TAFA4: variants seen among roughly 807,000 people sequenced by gnomAD.
TAFA4 encodes the protein chemokine-like protein TAFA-4.
A neutral mutation model predicts 21.1 loss-of-function variants in TAFA4; 20 were observed. That is an observed-to-expected ratio of 0.95 (90% confidence interval 0.67 to 1.38). The LOEUF (loss-of-function observed/expected upper bound fraction) is 1.38, where lower values mean the gene tolerates loss of function less well. TAFA4 is among the 40% of genes most tolerant of loss of function. The pLI is 0.00. For missense variants in TAFA4, 211 were observed against 180.9 expected (o/e 1.17, Z -0.95); for synonymous variants, 71 against 67.4 (o/e 1.05, Z -0.26).
At chr3:68,825,872 G>T (rs1453118537) in intron 3 of TAFA4, among the ~76,000 whole-genome samples, 1 of 152,116 alleles carries the variant, frequency 6.6e-6, no homozygotes, top group African/African-American at 2.4e-5. Context: ...ATGTGAAGAG[G>T]GAATAAGTAA....
chr3:68,878,589 GA>G (rs2089580565), intron 3 of TAFA4, among the ~76,000 whole-genome samples: 4 of 152,138 alleles, frequency 2.6e-5, no homozygotes, highest in African/African-American at 9.7e-5. Flanking sequence ...GCTAGTTGAA[GA>G]AATAACAAGA....
At chr3:68,822,042 CT>C (rs1297819251) in intron 3 of TAFA4, among the ~76,000 whole-genome samples, 1 of 152,122 alleles carries the variant, frequency 6.6e-6, no homozygotes. Flanking sequence ...TATGCTTGCT[CT>C]TTTTATATGG....
At chr3:68,869,943 A>C (rs1351748550) in intron 3 of TAFA4, among the ~76,000 whole-genome samples, 1 of 152,098 alleles carries the variant, frequency 6.6e-6, no homozygotes, top group East Asian at 1.9e-4. Context: ...ATGACATGAC[A>C]TTACATTTAG....
intron 3 of TAFA4, among the ~76,000 whole-genome samples, chr3:68,857,753 A>C (rs763956620): frequency 2.0e-5 from 3 of 151,886 alleles, no homozygotes; most frequent in Non-Finnish European, 4.4e-5. Context: ...TGAATGTAAG[A>C]TTTCACTGGA....
At chr3:68,890,896 T>C (rs569806310) in intron 1 of TAFA4, among the ~76,000 whole-genome samples, 1 of 152,320 alleles carries the variant, frequency 6.6e-6, no homozygotes, top group African/African-American at 2.4e-5. Context: ...GGATTGTGCC[T>C]ATGATGGTTT....
rs551359839 is a variant in TAFA4 at position 68,872,581 on chromosome 3, G to A, written c.130+8149C>T. ...AATATTCCCAACATAAAGAAAGGGTGAATGTTTGGGGTGATCGATGTTGCA... is the reference window on the plus strand; with the variant it reads ...AATATTCCCAACATAAAGAAAGGGTAAATGTTTGGGGTGATCGATGTTGCA... On this transcript the variant is annotated intron_variant, in intron 3 of 5. Coordinates refer to ENST00000295569, the MANE Select transcript of TAFA4 (RefSeq NM_182522.5). Among the ~76,000 whole-genome samples, 265 of 152,214 alleles carry A rather than the reference G, an allele frequency of 1.7e-3. 1 individual carries two copies. Among genetic ancestry groups the A allele is most frequent in the African/African-American group, 6.0e-3 (251 of 41,552 alleles).
At chr3:68,792,379 G>T (rs1461744033) in intron 3 of TAFA4, among the ~76,000 whole-genome samples, 1 of 152,144 alleles carries the variant, frequency 6.6e-6, no homozygotes, top group Non-Finnish European at 1.5e-5. Flanking sequence ...GGAAGAGAGA[G>T]AGGTGATGTC....
chr3:68,905,194 C>T (rs1025817022), intron 1 of TAFA4, among the ~76,000 whole-genome samples: 7 of 141,594 alleles, frequency 4.9e-5, no homozygotes, highest in Admixed American at 1.5e-4. Context: ...CTTGCTCTGT[C>T]GCCAGGCTAG....
At chr3:68,762,122 A>G (rs1318625988) in intron 3 of TAFA4, among the ~76,000 whole-genome samples, 1 of 151,808 alleles carries the variant, frequency 6.6e-6, no homozygotes, top group Non-Finnish European at 1.5e-5. Flanking sequence ...ATAAAATCCC[A>G]GAGGGAAAAA....
In TAFA4 at chr3:68,752,904, T is replaced by C. The variant is rs779041263; in HGVS notation, c.245A>G (p.Gln82Arg). The change falls in exon 4 of 6, where the codon CAG becomes CGG. Residue 82 changes from glutamine to arginine, a missense_variant. Gln to Arg is a conservative substitution (Grantham distance 43, BLOSUM62 1). Transcript: ENST00000295569. ...QTVKCSCFPG[Q>R]VAGTTRAQPS... ...TTGAGCCCGAGTTGTGCCCGCCACC[T>C]GTCCCGGGAAGCAAGAGCACTTGAC... 6.2e-7 allele frequency: 1 copy of C among 1,614,130 alleles called. No individual in the cohort carries two copies. Among genetic ancestry groups the C allele is most frequent in the East Asian group, 2.2e-5 (1 of 44,870 alleles).
chr3:68,796,134 G>A (rs1703450088), intron 3 of TAFA4, among the ~76,000 whole-genome samples: 1 of 152,156 alleles, frequency 6.6e-6, no homozygotes, highest in Non-Finnish European at 1.5e-5. Context: ...ATCACCACTG[G>A]ACTGCACTGG....
intron 3 of TAFA4, among the ~76,000 whole-genome samples, chr3:68,755,873 T>C (rs1489992): frequency 0.71 from 107,304 of 152,116 alleles, 38,479 homozygotes; most frequent in East Asian, 0.99. Flanking sequence ...GCCATGTACA[T>C]GATTAGGTGA....
At chr3:68,822,924 C>T (rs78241221) in intron 3 of TAFA4, among the ~76,000 whole-genome samples, 1 of 152,308 alleles carries the variant, frequency 6.6e-6, no homozygotes, top group East Asian at 1.9e-4. Context: ...ACATTCCAAA[C>T]TATGAAGCGC....
chr3:68,877,903 T>G (rs2089570678), intron 3 of TAFA4, among the ~76,000 whole-genome samples: 1 of 152,178 alleles, frequency 6.6e-6, no homozygotes, highest in African/African-American at 2.4e-5. Flanking sequence ...CCTTCACCTA[T>G]TTTTCCTTAT....
chr3:68,796,066 C>G (rs1703449172), intron 3 of TAFA4, among the ~76,000 whole-genome samples: 1 of 152,102 alleles, frequency 6.6e-6, no homozygotes, highest in African/African-American at 2.4e-5. Context: ...AACGGAGTCT[C>G]TCTCTGTGCT....
intron 1 of TAFA4, among the ~76,000 whole-genome samples, chr3:68,928,896 G>A (rs549255838): frequency 6.6e-6 from 1 of 151,738 alleles, no homozygotes; most frequent in Admixed American, 6.6e-5. Context: ...TCCTACCCCT[G>A]ATCTTCTAGA....
intron 3 of TAFA4, among the ~76,000 whole-genome samples, chr3:68,820,979 C>G (rs1191685515): frequency 2.0e-5 from 3 of 152,158 alleles, no homozygotes; most frequent in Non-Finnish European, 4.4e-5. Flanking sequence ...TGCTGTACCA[C>G]AAGGTGGTAC....
rs74489507 is a variant in TAFA4, at chr3:68,738,136, A to G, written c.411+939T>C. On this transcript the variant is annotated intron_variant, in intron 5 of 5. Coordinates refer to ENST00000295569, the MANE Select transcript of TAFA4 (RefSeq NM_182522.5). ...CAGGGAGCCTGAATTCAATCAGGAA[A>G]GAAGTCCCCGAAAAAATGATGATTA... 7.9e-5 allele frequency among the ~76,000 whole-genome samples: 12 copies of G among 152,316 alleles called. No homozygotes were observed. The East Asian group carries it at 2.1e-3, about 27-fold the overall frequency.
chr3:68,777,905 C>G lies in TAFA4; in HGVS notation c.131-24887G>C, dbSNP rs567885554. 2.4e-4 allele frequency among the ~76,000 whole-genome samples: 37 copies of G among 152,242 alleles called. No individual in the cohort carries two copies. In the East Asian group the frequency reaches 3.1e-3, roughly 13 times the overall value. On this transcript the variant is annotated intron_variant, in intron 3 of 5. Transcript: ENST00000295569. ...GAAGCAATAGCCCATACCATATAAC[C>G]TAGGTGTGTAGTAGTCAATAACATC...
Sources: allele counts gnomAD v4.1 joint callset (sites outside exome capture counted in the v4.1 genomes callset), GRCh38; gene constraint gnomAD v4.1.1; transcripts MANE v1.5; gene names NCBI Gene and HGNC (gene_info 2026-07-23, HGNC 2026-07-21).